FAM171B: variants seen among roughly 807,000 people sequenced by gnomAD.
FAM171B encodes the protein family with sequence similarity 171 member B.
FAM171B carries 19 observed loss-of-function variants against 75.6 expected under a neutral mutation model. That is an observed-to-expected ratio of 0.25 (90% CI 0.18 to 0.37). The LOEUF (loss-of-function observed/expected upper bound fraction) is 0.37, where lower values mean the gene tolerates loss of function less well. Ranked by LOEUF, FAM171B falls within the 10% of genes least tolerant of loss-of-function variation. The probability of loss-of-function intolerance (pLI) is 1.00; values close to 1 mark genes in which losing one functional copy is unlikely to be tolerated. For synonymous variants in FAM171B, 367 were observed against 361.7 expected (o/e 1.01, Z -0.17); for missense variants, 848 against 982.4 (o/e 0.86, Z 1.83).
At chr2:186,745,931 GTAT>G (rs1368792520) in intron 3 of FAM171B, among the ~76,000 whole-genome samples, 1 of 152,116 alleles carries the variant, frequency 6.6e-6, no homozygotes, top group Non-Finnish European at 1.5e-5. Context: ...TGTTTTCCAG[GTAT>G]TATTTTTCTA....
Position 186,747,141 on chromosome 2 carries a change from T to A in FAM171B, c.615T>A (p.Leu205=). The A allele has an allele frequency of 6.2e-7, 1 of 1,606,380 alleles. No homozygotes were observed. The highest frequency in any genetic ancestry group is 1.3e-5 in the African/African-American group (1 of 74,696). The change falls in exon 4 of 8, where the codon CTT becomes CTA. Residue 205 remains leucine (L), a synonymous_variant. Transcript: ENST00000304698. Reference sequence around the variant, plus strand: ...AGTTTTCAAAAGCCTTAATTAAACTTCCTGACAACCATCATATTAGCAACG... The same window carrying A: ...AGTTTTCAAAAGCCTTAATTAAACTACCTGACAACCATCATATTAGCAACG... ...SVQFSKALIK[L]PDNHHISNVT...
chr2:186,727,155 T>G (rs1186581676), intron 1 of FAM171B, among the ~76,000 whole-genome samples: 2 of 151,960 alleles, frequency 1.3e-5, no homozygotes, highest in Admixed American at 6.6e-5. Context: ...GAGTTGGAAA[T>G]AATAGGGGCT....
chr2:186,761,762 C>A lies in FAM171B; in HGVS notation c.1420C>A (p.Gln474Lys), dbSNP rs781557815. 1.1e-5 allele frequency: 18 copies of A among 1,613,154 alleles called. No homozygotes were observed. In the Admixed American group the frequency reaches 3.0e-4, roughly 27 times the overall value. The change falls in exon 8 of 8, where the codon CAA becomes AAA. Residue 474 changes from glutamine (Q) to lysine (K), a missense_variant. This residue lies in a region of FAM171B where 665 missense variants were observed against 729.0 expected (regional missense o/e 0.91). Coordinates refer to ENST00000304698, the MANE Select transcript of FAM171B (RefSeq NM_177454.4). ...NEDVSFLSVN[Q>K]NNYSRNPTQS... is the part of the protein sequence containing the mutation. The stretch of plus-strand genomic sequence containing the variant: ...AGATGTTTCATTTCTATCAGTCAAT[C>A]AAAATAATTACTCAAGAAACCCAAC...
chr2:186,730,601 GATC>G (rs1690101035), intron 1 of FAM171B, among the ~76,000 whole-genome samples: 1 of 151,992 alleles, frequency 6.6e-6, no homozygotes. Context: ...TTATGATTTG[GATC>G]ATCAAGACTT....
chr2:186,733,629 G>A lies in FAM171B; in HGVS notation c.239-6599G>A, dbSNP rs571090509. 8.6e-4 allele frequency among the ~76,000 whole-genome samples: 131 copies of A among 152,336 alleles called. 2 individuals are homozygous for A. In the South Asian group the frequency reaches 0.026, roughly 31 times the overall value. On this transcript the variant is annotated intron_variant, in intron 1 of 7. Transcript: ENST00000304698. Reference sequence around the variant, plus strand: ...GGGTGAGCCAGGCACAGAACATTGAGGGGTGCATGAGTGAGTGAGTGTGGG... The same window carrying A: ...GGGTGAGCCAGGCACAGAACATTGAAGGGTGCATGAGTGAGTGAGTGTGGG...
In FAM171B at chr2:186,762,541, C is replaced by T; in HGVS notation, c.2199C>T (p.Pro733=). The change falls in exon 8 of 8, where the codon CCC becomes CCT. Residue 733 remains proline (P), a synonymous_variant. Coordinates refer to ENST00000304698, the MANE Select transcript of FAM171B (RefSeq NM_177454.4). This position sits in a 1 kb window ranked among gnomAD's most constrained non-coding sequence, Gnocchi z 4.0. ...CATTCATCAAAAGCATGCATCAGCC[C>T]AAGATCCTTTACTTAGAAGATTTAG... The part of the protein sequence containing the change: ...EKTFIKSMHQ[P]KILYLEDLDL... 1 of 1,613,532 alleles carries T rather than the reference C, an allele frequency of 6.2e-7. No individual in the cohort carries two copies. Among genetic ancestry groups the T allele is most frequent in the Non-Finnish European group, 8.5e-7 (1 of 1,179,724 alleles).
At position 186,761,842 on chromosome 2, in the gene FAM171B, T is replaced by C; in HGVS notation, c.1500T>C (p.Asn500=). The change falls in exon 8 of 8, where the codon AAT becomes AAC. Residue 500 remains asparagine (N), a synonymous_variant. Coordinates refer to ENST00000304698, the MANE Select transcript of FAM171B (RefSeq NM_177454.4). ...GSKQPKHINN[N]LSSSLGDAQD... Reference sequence around the variant, plus strand: ...AACAACCTAAACATATTAACAACAATCTATCTTCATCTCTAGGTGATGCTC... The same window carrying C: ...AACAACCTAAACATATTAACAACAACCTATCTTCATCTCTAGGTGATGCTC... The C allele has an allele frequency of 1.2e-6, 2 of 1,613,132 alleles. No homozygotes were observed. The highest frequency in any genetic ancestry group is 2.2e-5 in the South Asian group (2 of 91,060).
In FAM171B at chr2:186,694,069, G is replaced by T; in HGVS notation, c.-105G>T. Reference sequence around the variant, plus strand: ...GGTGAGGGAGTGCTTGGCAGATTGCGCGAGGGGGAGCGAGCGAGCGGGCGC... The same window carrying T: ...GGTGAGGGAGTGCTTGGCAGATTGCTCGAGGGGGAGCGAGCGAGCGGGCGC... On this transcript the variant is annotated 5_prime_UTR_variant, in exon 1 of 8. Transcript: ENST00000304698. 3.7e-6 allele frequency: 5 copies of T among 1,356,522 alleles called. No homozygotes were observed. The highest frequency in any genetic ancestry group is 4.7e-6 in the Non-Finnish European group (5 of 1,053,924). 84.0% of individuals were successfully genotyped at this position (1,356,522 alleles called of 1,614,324 possible). A position where few individuals can be genotyped will look rare whatever the true frequency, so the allele number is the denominator to read the frequency against.
At chr2:186,722,967 G>A (rs995625149) in intron 1 of FAM171B, among the ~76,000 whole-genome samples, 12 of 152,080 alleles carry the variant, frequency 7.9e-5, no homozygotes, top group South Asian at 2.1e-4. Context: ...AGTTTTGGAC[G>A]ATAAATCCTT....
intron 3 of FAM171B, among the ~76,000 whole-genome samples, chr2:186,746,825 C>T (rs1340330445): frequency 6.6e-6 from 1 of 152,076 alleles, no homozygotes; most frequent in Non-Finnish European, 1.5e-5. Context: ...AACACATGGG[C>T]TAAAAATGGT....
intron 5 of FAM171B, among the ~76,000 whole-genome samples, chr2:186,751,636 G>A (rs984574026): frequency 2.6e-5 from 4 of 152,040 alleles, no homozygotes; most frequent in African/African-American, 7.2e-5. Flanking sequence ...ATCTAAAAGC[G>A]TGGTTTAAGG....
rs767571448 is a variant in FAM171B, at chr2:186,753,957, G to C, written c.920G>C (p.Gly307Ala). 1 of 1,613,546 alleles carries C rather than the reference G, an allele frequency of 6.2e-7. No homozygotes were observed. The highest frequency in any genetic ancestry group is 2.2e-5 in the East Asian group (1 of 44,830). Residue 307 changes from glycine to alanine, a missense_variant, in exon 6 of 8, where the codon GGA becomes GCA. This residue lies in a region of FAM171B where 665 missense variants were observed against 729.0 expected (regional missense o/e 0.91). Coordinates refer to ENST00000304698, the MANE Select transcript of FAM171B (RefSeq NM_177454.4). Reference protein sequence around the residue: ...NTGAWVNHGRGMVKEHNNHLI... With the variant: ...NTGAWVNHGRAMVKEHNNHLI... ...GGTGCTTGGGTAAATCATGGTCGGG[G>C]AATGGTCAAGGAACATAACAATCAT... is the stretch of plus-strand genomic sequence containing the variant.
intron 2 of FAM171B, 100 bp from the exon 3 acceptor site, chr2:186,743,383 A>C (rs567002956): frequency 2.8e-6 from 2 of 722,924 alleles, no homozygotes; most frequent in Non-Finnish European, 4.7e-6. Flanking sequence ...GTTCCCCCCC[A>C]CAACACACTT....
Position 186,761,936 on chromosome 2 carries a change from A to G in FAM171B, c.1594A>G (p.Met532Val), listed in dbSNP as rs775558806. The G allele has an allele frequency of 6.2e-7, 1 of 1,613,394 alleles. No homozygotes were observed. The highest frequency in any genetic ancestry group is 8.5e-7 in the Non-Finnish European group (1 of 1,179,734). The part of the protein sequence containing the change: ...YGRSHIPEQL[M>V]HIYSQPIAIL... ...GCGTTCCCATATTCCTGAACAGCTTATGCATATTTACAGCCAACCCATTGC... is the reference window on the plus strand; with the variant it reads ...GCGTTCCCATATTCCTGAACAGCTTGTGCATATTTACAGCCAACCCATTGC... The change falls in exon 8 of 8, where the codon ATG (methionine) becomes GTG (valine). Residue 532 changes from methionine (M) to valine (V), a missense_variant. Physicochemically the swap from Met to Val is conservative, Grantham distance 21. Transcript: ENST00000304698.
chr2:186,739,242 G>A (rs2682863), intron 1 of FAM171B, among the ~76,000 whole-genome samples: 65,526 of 151,900 alleles, frequency 0.43, 14,496 homozygotes, highest in East Asian at 0.73. Flanking sequence ...GGACATTACC[G>A]TATACTACTG....
At position 186,750,727 on chromosome 2, in the gene FAM171B, C is replaced by T. The variant is rs1246743096; in HGVS notation, c.725-407C>T. On this transcript the variant is annotated intron_variant, in intron 4 of 7. Transcript: ENST00000304698. The stretch of plus-strand genomic sequence containing the variant: ...CTGTGGGTTCTAGCACTCCTTGAAA[C>T]AGATGGTCTTGGAAAAGAGAGGGTG... Among the ~76,000 whole-genome samples the T allele has an allele frequency of 2.0e-5, 3 of 152,128 alleles. No individual in the cohort carries two copies. In the South Asian group the frequency reaches 6.2e-4, roughly 31 times the overall value.
chr2:186,700,344 C>T (rs566787386), intron 1 of FAM171B, among the ~76,000 whole-genome samples: 33 of 151,938 alleles, frequency 2.2e-4, no homozygotes, highest in African/African-American at 7.7e-4. Flanking sequence ...ATAAACATCA[C>T]CCTATTGAGA....
intron 1 of FAM171B, among the ~76,000 whole-genome samples, chr2:186,709,137 T>C (rs1176545777): frequency 6.6e-6 from 1 of 151,902 alleles, no homozygotes; most frequent in African/African-American, 2.4e-5. Flanking sequence ...GACCAGATCT[T>C]GTGAGTACTG....
chr2:186,712,333 A>G (rs192641686), intron 1 of FAM171B, among the ~76,000 whole-genome samples: 4 of 152,284 alleles, frequency 2.6e-5, no homozygotes, highest in Admixed American at 2.0e-4. Context: ...ATGTCCCAAC[A>G]TATGTTTAAA....
Sources: gnomAD v4.1 joint callset for allele counts (sites outside exome capture counted in the v4.1 genomes callset) on GRCh38, gnomAD v4.1.1 for gene constraint, gnomAD v4.1.1 regional missense constraint, Gnocchi (gnomAD v3.1) non-coding constraint, MANE v1.5 for transcripts, NCBI Gene and HGNC (gene_info 2026-07-23, HGNC 2026-07-21) for gene names.